RIF1: variants seen among roughly 807,000 people sequenced by gnomAD.
RIF1 encodes the protein replication timing regulatory factor 1, also known as telomere-associated protein RIF1.
A neutral mutation model predicts 247.1 loss-of-function variants in RIF1; 45 were observed. The observed-to-expected ratio is 0.18, with a 90% CI of 0.14 to 0.23. RIF1 has a LOEUF of 0.23. Ranked by LOEUF, RIF1 falls within the 10% of genes least tolerant of loss-of-function variation. The pLI, the probability that RIF1 is intolerant of heterozygous loss-of-function variation, is 1.00. For synonymous variants in RIF1, 1,087 were observed against 978.8 expected, an observed-to-expected ratio of 1.11 and a Z score of -2.06; for missense variants, 2,967 against 2,862.5, an observed-to-expected ratio of 1.04 and a Z score of -0.83.
At chr2:151,423,687 G>C (rs1688534852) in intron 8 of RIF1, 1 of 152,170 alleles carries the variant, frequency 6.6e-6, no homozygotes, top group Admixed American at 6.5e-5. Context: ...TGCCAATTTA[G>C]TGTTCAAGGC....
the RIF1 span, chr2:151,533,531 T>C: frequency 9.0e-6 from 14 of 1,550,228 alleles, no homozygotes; most frequent in Non-Finnish European, 1.2e-5. Flanking sequence ...ATCTTGGCAC[T>C]AGATTTATAT....
At chr2:151,493,076 C>G (rs1333756318) in intron 9 of RIF1, 2 of 344,108 alleles carry the variant, frequency 5.8e-6, no homozygotes, top group Non-Finnish European at 1.1e-5. Flanking sequence ...AGAACTACCT[C>G]AAAGTATAGG....
intron 9 of RIF1, among the ~76,000 whole-genome samples, chr2:151,432,772 C>A (rs1022255588): frequency 9.2e-5 from 14 of 152,168 alleles, no homozygotes; most frequent in African/African-American, 3.4e-4. Flanking sequence ...TCAATAGCAT[C>A]CCCTCATTTG....
At chr2:151,474,149 C>A in intron 35 of RIF1, 77 bp downstream of exon 35, 3 of 749,750 alleles carry the variant, frequency 4.0e-6, no homozygotes, top group Non-Finnish European at 7.0e-6. Flanking sequence ...TTTTTTTAGT[C>A]TGATTTGACC....
At chr2:151,486,992 T>A (rs922124982), downstream of RIF1, among the ~76,000 whole-genome samples, 3 of 152,206 alleles carry the variant, frequency 2.0e-5, no homozygotes, top group African/African-American at 7.2e-5. Flanking sequence ...GAAAAAAAGC[T>A]TAAAATCATT....
rs763650425 is a variant in RIF1 at position 151,443,723 on chromosome 2, C to A, written c.1986+14C>A. On this transcript the variant is annotated intron_variant, in intron 18 of 35. Coordinates refer to ENST00000444746, the MANE Select transcript of RIF1 (RefSeq NM_018151.5). ...TTGATTAATCAGGTATGAAATAAATCTGCTACGTATTTTGGATAATAGACC... is the reference window on the plus strand; with the variant it reads ...TTGATTAATCAGGTATGAAATAAATATGCTACGTATTTTGGATAATAGACC... The A allele has an allele frequency of 4.8e-6, 7 of 1,471,282 alleles. No individual in the cohort carries two copies. The Admixed American group carries it at 1.2e-4, about 25-fold the overall frequency. The allele number at this position is 1,471,282 out of a possible 1,614,324, so 91.1% of individuals were successfully genotyped here. A position where few individuals can be genotyped will look rare whatever the true frequency, so the allele number is the denominator to read the frequency against.
At chr2:151,461,086 A>T (rs530113334) in intron 26 of RIF1, 52 bp from the exon 27 acceptor site, 2 of 1,532,040 alleles carry the variant, frequency 1.3e-6, no homozygotes, top group South Asian at 2.4e-5. Context: ...GAAATATTGG[A>T]AAATAATTTG....
intron 25 of RIF1, 25 bp from the exon 26 acceptor site, chr2:151,459,975 A>T: frequency 6.7e-7 from 1 of 1,497,940 alleles, no homozygotes; most frequent in East Asian, 2.4e-5. Flanking sequence ...TATTTAATGA[A>T]ATTGTTTCAT....
At chr2:151,513,760 G>T in the RIF1 span, 1 of 1,115,274 alleles carries the variant, frequency 9.0e-7, no homozygotes, top group Non-Finnish European at 1.3e-6. Flanking sequence ...AACATACAGG[G>T]TGAATGTAAA....
chr2:151,421,962 G>A (rs982757949), intron 7 of RIF1, among the ~76,000 whole-genome samples: 7 of 151,864 alleles, frequency 4.6e-5, no homozygotes, highest in Admixed American at 3.9e-4. Flanking sequence ...AGCAGGAGTA[G>A]CTGGGATTAC....
chr2:151,470,990 A>G (rs1359801886), intron 34 of RIF1, among the ~76,000 whole-genome samples: 1 of 152,128 alleles, frequency 6.6e-6, no homozygotes, highest in East Asian at 1.9e-4. Flanking sequence ...ATATTCACAG[A>G]GTTAAATAAT....
At chr2:151,514,428 TC>T in the RIF1 span, 1 of 1,600,516 alleles carries the variant, frequency 6.2e-7, no homozygotes, top group Non-Finnish European at 8.6e-7. Context: ...CTGTACTCTT[TC>T]TATATCATGA....
At position 151,463,836 on chromosome 2, in the gene RIF1, A is replaced by C; in HGVS notation, c.4316A>C (p.Gln1439Pro). The change falls in exon 30 of 36, where the codon CAA (glutamine) becomes CCA (proline). Residue 1439 changes from glutamine (Q) to proline (P), a missense_variant. Around this residue, in one of 7 missense-constraint regions of RIF1, gnomAD observed 2,028 missense variants for 1,825.6 expected, o/e 1.11. Transcript: ENST00000444746. ...AGCCAAGATAAGGAAAATAGTCATC[A>C]AAAAAAGGAACGACGTAAGGAAGAA... is the stretch of plus-strand genomic sequence containing the variant. ...TESQDKENSH[Q>P]KKERRKEEEK... 6.2e-7 allele frequency: 1 copy of C among 1,610,792 alleles called. No individual in the cohort carries two copies. The highest frequency in any genetic ancestry group is 8.5e-7 in the Non-Finnish European group (1 of 1,179,120).
intron 11 of RIF1, among the ~76,000 whole-genome samples, chr2:151,502,574 C>T (rs2065555317): frequency 6.6e-6 from 1 of 151,960 alleles, no homozygotes. Flanking sequence ...CAGAGTATTA[C>T]AGGTTTTTAA....
In RIF1 at chr2:151,436,898, A is replaced by G. The variant is rs1260345878; in HGVS notation, c.1267A>G (p.Thr423Ala). ...NLSSNLGGMA[T>A]IPSIQLLGLE... ...GAGTTCGAATTTAGGTGGAATGGCC[A>G]CAATCCCATCCATTCAACTTTTGGG... Residue 423 changes from threonine to alanine, a missense_variant, in exon 12 of 36, where the codon ACA becomes GCA. Coordinates refer to ENST00000444746, the MANE Select transcript of RIF1 (RefSeq NM_018151.5). 20 of 1,613,666 alleles carry G rather than the reference A, an allele frequency of 1.2e-5. No homozygotes were observed. The highest frequency in any genetic ancestry group is 1.6e-5 in the Non-Finnish European group (19 of 1,179,800).
At chr2:151,437,122 A>G in intron 12 of RIF1, 119 bp downstream of exon 12, 1 of 1,218,908 alleles carries the variant, frequency 8.2e-7, no homozygotes, top group Non-Finnish European at 1.1e-6. Flanking sequence ...TGTATGAAAT[A>G]TGAATCTTTT....
chr2:151,432,980 C>T lies in RIF1; in HGVS notation c.926-97C>T, dbSNP rs764048773. The T allele has an allele frequency of 1.0e-4, 95 of 910,136 alleles. No individual in the cohort carries two copies. In the Middle Eastern group the frequency reaches 3.6e-3, roughly 34 times the overall value. 56.4% of individuals were successfully genotyped at this position (910,136 alleles called of 1,614,324 possible). A position where few individuals can be genotyped will look rare whatever the true frequency, so the allele number is the denominator to read the frequency against. Reference sequence around the variant, plus strand: ...ATTTTTTTAAAAAAATTTTAAAATACGTTCTCTTGCTGTGATAAAAGACTG... The same window carrying T: ...ATTTTTTTAAAAAAATTTTAAAATATGTTCTCTTGCTGTGATAAAAGACTG... On this transcript the variant is annotated intron_variant, in intron 9 of 35. Coordinates refer to ENST00000444746, the MANE Select transcript of RIF1 (RefSeq NM_018151.5).
chr2:151,436,799 C>CT, intron 11 of RIF1, 28 bp from the exon 12 acceptor site: 2 of 1,493,478 alleles, frequency 1.3e-6, no homozygotes, highest in South Asian at 2.6e-5. Context: ...GCTTGTATGA[C>CT]TTAACTCTTT....
intron 11 of RIF1, among the ~76,000 whole-genome samples, chr2:151,500,244 A>C (rs577564071): frequency 1.3e-5 from 2 of 152,296 alleles, no homozygotes; most frequent in Non-Finnish European, 2.9e-5. Context: ...TTACTGATCT[A>C]ATTATGTCAA....
Sources: gnomAD v4.1 joint callset for allele counts (sites outside exome capture counted in the v4.1 genomes callset) on GRCh38, gnomAD v4.1.1 for gene constraint, gnomAD v4.1.1 regional missense constraint, MANE v1.5 for transcripts, NCBI Gene and HGNC (gene_info 2026-07-23, HGNC 2026-07-21) for gene names.